Variants in ARSG observed in about 807,000 individuals in gnomAD.
ARSG encodes the protein arylsulfatase G.
ARSG carries 37 observed loss-of-function variants against 50.5 expected under a neutral mutation model. That is an observed-to-expected ratio of 0.73 (90% CI 0.56 to 0.96). The LOEUF (loss-of-function observed/expected upper bound fraction) is 0.96, where lower values mean the gene tolerates loss of function less well. Ranked by LOEUF, ARSG falls within the 50% of genes least tolerant of loss-of-function variation. The pLI, the probability that ARSG is intolerant of heterozygous loss-of-function variation, is 0.00. For missense variants in ARSG, 629 were observed against 675.3 expected (o/e 0.93, Z 0.76); for synonymous variants, 225 against 254.6 (o/e 0.88, Z 1.11).
intron 1 of ARSG, chr17:68,278,311 T>A (rs1555751712): frequency 6.2e-7 from 1 of 1,612,828 alleles, no homozygotes; most frequent in East Asian, 2.2e-5. Flanking sequence ...TTTAATTTAT[T>A]TTGGGTCATT....
At chr17:68,424,635 G>A (rs1358161435), downstream of ARSG, 2 of 405,828 alleles carry the variant, frequency 4.9e-6, no homozygotes, top group African/African-American at 4.2e-5. Flanking sequence ...TAGCACTTTG[G>A]GAGGCCGAGA....
intron 2 of ARSG, among the ~76,000 whole-genome samples, chr17:68,338,875 C>T (rs1200619746): frequency 1.3e-5 from 2 of 152,196 alleles, no homozygotes; most frequent in Non-Finnish European, 2.9e-5. Context: ...AGTATAGGGA[C>T]TGTTTCTTTG....
downstream of ARSG, among the ~76,000 whole-genome samples, chr17:68,424,821 G>T (rs1020552486): frequency 1.3e-5 from 2 of 150,498 alleles, no homozygotes; most frequent in Non-Finnish European, 3.0e-5. Context: ...AGGCTGCAGC[G>T]AGCCGAGATC....
chr17:68,397,911 C>T (rs997054405), intron 10 of ARSG, among the ~76,000 whole-genome samples: 36 of 152,024 alleles, frequency 2.4e-4, no homozygotes, highest in Admixed American at 2.3e-3. Flanking sequence ...GTATTACAGG[C>T]GTTCACCACC....
chr17:68,323,139 G>A (rs895309600), intron 2 of ARSG, among the ~76,000 whole-genome samples: 5 of 151,706 alleles, frequency 3.3e-5, no homozygotes, highest in African/African-American at 1.2e-4. Context: ...AACAGATTTC[G>A]AATTAACATC....
intron 2 of ARSG, among the ~76,000 whole-genome samples, chr17:68,332,044 G>A (rs1039049681): frequency 6.6e-6 from 1 of 152,288 alleles, no homozygotes; most frequent in South Asian, 2.1e-4. Context: ...GCAGACAACC[G>A]GTCTGACCAA....
chr17:68,360,126 C>T (rs8076079), intron 6 of ARSG, among the ~76,000 whole-genome samples: 2,178 of 152,284 alleles, frequency 0.014, 56 homozygotes, highest in African/African-American at 0.05. Flanking sequence ...TTAATTAATC[C>T]ATTAAAGGGC....
intron 1 of ARSG, chr17:68,269,014 C>T: frequency 1.3e-6 from 2 of 1,579,646 alleles, no homozygotes; most frequent in Non-Finnish European, 1.7e-6. Flanking sequence ...GAGGGGTTAG[C>T]TCCTCTGCCT....
At chr17:68,334,974 C>G (rs571978893) in intron 2 of ARSG, among the ~76,000 whole-genome samples, 1 of 152,194 alleles carries the variant, frequency 6.6e-6, no homozygotes, top group South Asian at 2.1e-4. Context: ...GGAGGCATGT[C>G]AAAGCATTAG....
chr17:68,372,786 C>G (rs139554167), intron 8 of ARSG, among the ~76,000 whole-genome samples: 3,409 of 152,192 alleles, frequency 0.022, 53 homozygotes, highest in Middle Eastern at 0.041. Flanking sequence ...ACTAGCACTC[C>G]CGTCATCGTA....
In ARSG at chr17:68,399,967, C is replaced by A. The variant is rs1040422272; in HGVS notation, c.1213-1393C>A. On this transcript the variant is annotated intron_variant, in intron 10 of 11. Transcript: ENST00000621439. The surrounding 1 kb of genome is among the most constrained non-coding windows in gnomAD (Gnocchi z 4.6). ...GACTTCTTTTCCTGTTTGGAAGGAACCTGCTATCATCATGCGCGCCCTGGG... is the reference window on the plus strand; with the variant it reads ...GACTTCTTTTCCTGTTTGGAAGGAAACTGCTATCATCATGCGCGCCCTGGG... Among the ~76,000 whole-genome samples, 1 of 152,208 alleles carries A rather than the reference C, an allele frequency of 6.6e-6. No individual in the cohort carries two copies. The highest frequency in any genetic ancestry group is 1.5e-5 in the Non-Finnish European group (1 of 68,046).
At chr17:68,387,564 C>G (rs1568560114) in intron 9 of ARSG, among the ~76,000 whole-genome samples, 1 of 152,116 alleles carries the variant, frequency 6.6e-6, no homozygotes, top group Non-Finnish European at 1.5e-5. Context: ...CCTGGACAGG[C>G]TGTGTGTGTG....
intron 8 of ARSG, among the ~76,000 whole-genome samples, chr17:68,374,363 T>A (rs1215178315): frequency 6.6e-6 from 1 of 151,800 alleles, no homozygotes; most frequent in Non-Finnish European, 1.5e-5. Context: ...GCAGAAGGTG[T>A]GGAGACCATG....
the ARSG span, chr17:68,428,913 A>C: frequency 6.2e-7 from 1 of 1,614,082 alleles, no homozygotes. Flanking sequence ...TGACGCAACT[A>C]GCAGCCGTGG....
At chr17:68,430,867 G>C in the ARSG span, among the ~76,000 whole-genome samples, 1 of 152,228 alleles carries the variant, frequency 6.6e-6, no homozygotes, top group Non-Finnish European at 1.5e-5. Context: ...ACTGCTGAGA[G>C]GCTGCTTGTC....
Position 68,381,081 on chromosome 17 carries a change from T to C in ARSG, c.983-3983T>C, listed in dbSNP as rs1393456310. On this transcript the variant is annotated intron_variant, in intron 8 of 11. Coordinates refer to ENST00000621439, the MANE Select transcript of ARSG (RefSeq NM_001267727.2). This position sits in a 1 kb window ranked among gnomAD's most constrained non-coding sequence, Gnocchi z 4.1. Reference sequence around the variant, plus strand: ...CTTAGATGAGATCTCATCTGGTGATTCTCTTGTATGGAGAAATTTGCGAAT... The same window carrying C: ...CTTAGATGAGATCTCATCTGGTGATCCTCTTGTATGGAGAAATTTGCGAAT... Among the ~76,000 whole-genome samples the C allele has an allele frequency of 6.6e-6, 1 of 152,170 alleles. No homozygotes were observed. Among genetic ancestry groups the C allele is most frequent in the Non-Finnish European group, 1.5e-5 (1 of 68,020 alleles).
chr17:68,308,547 C>A (rs1555765314), intron 2 of ARSG, among the ~76,000 whole-genome samples: 1 of 152,112 alleles, frequency 6.6e-6, no homozygotes, highest in Non-Finnish European at 1.5e-5. Flanking sequence ...CAGTGTGGAC[C>A]CAAAGAGTGA....
chr17:68,298,870 C>G (rs781921415), intron 1 of ARSG, among the ~76,000 whole-genome samples: 10 of 152,010 alleles, frequency 6.6e-5, no homozygotes, highest in Non-Finnish European at 1.2e-4. Flanking sequence ...CTTATCACCC[C>G]TCCAAAGGCC....
chr17:68,372,486 C>G (rs1343980117), intron 8 of ARSG, among the ~76,000 whole-genome samples: 1 of 152,114 alleles, frequency 6.6e-6, no homozygotes, highest in Admixed American at 6.5e-5. Flanking sequence ...GAAGGGGAAG[C>G]GTGTATGTCC....
Sources: gnomAD v4.1 joint callset for allele counts (sites outside exome capture counted in the v4.1 genomes callset) on GRCh38, gnomAD v4.1.1 for gene constraint, Gnocchi (gnomAD v3.1) non-coding constraint, MANE v1.5 for transcripts, NCBI Gene and HGNC (gene_info 2026-07-23, HGNC 2026-07-21) for gene names.